IL1RAPL2: variants seen among roughly 807,000 people sequenced by gnomAD.
The protein encoded by IL1RAPL2 is interleukin 1 receptor accessory protein like 2, also known as X-linked interleukin-1 receptor accessory protein-like 2.
IL1RAPL2 carries 3 observed loss-of-function variants against 44.1 expected under a neutral mutation model. The ratio of observed to expected loss-of-function variants is 0.07; its 90% confidence interval spans 0.03 to 0.18. The LOEUF is 0.18. Ranked by LOEUF, IL1RAPL2 falls within the 10% of genes least tolerant of loss-of-function variation. The pLI, the probability that IL1RAPL2 is intolerant of heterozygous loss-of-function variation, is 1.00. For missense variants in IL1RAPL2, 391 were observed against 496.4 expected (o/e 0.79, Z 2.02); for synonymous variants, 181 against 178.8 (o/e 1.01, Z -0.10).
chrX:104,878,002 G>A (rs1176078695), intron 2 of IL1RAPL2, among the ~76,000 whole-genome samples: 1 of 112,036 alleles, frequency 8.9e-6, no homozygotes, highest in East Asian at 2.8e-4. Flanking sequence ...TATGGACTAA[G>A]ATTCTTCTGG....
chrX:105,008,754 G>T (rs1176452789), intron 2 of IL1RAPL2, among the ~76,000 whole-genome samples: 1 of 111,430 alleles, frequency 9.0e-6, no homozygotes, highest in Non-Finnish European at 1.9e-5. Flanking sequence ...AGACAAATGG[G>T]ATCTATTTAA....
intron 2 of IL1RAPL2, among the ~76,000 whole-genome samples, chrX:104,736,311 G>A (rs1932011791): frequency 8.9e-6 from 1 of 111,996 alleles, no homozygotes; most frequent in Non-Finnish European, 1.9e-5. Flanking sequence ...TATTGGCAAG[G>A]CAGTGCTCAT....
At chrX:104,714,259 T>C (rs375147048) in intron 2 of IL1RAPL2, among the ~76,000 whole-genome samples, 1 of 111,245 alleles carries the variant, frequency 9.0e-6, no homozygotes, top group East Asian at 2.9e-4. Flanking sequence ...GGATTTGTTA[T>C]ATACATGGCT....
intron 2 of IL1RAPL2, among the ~76,000 whole-genome samples, chrX:104,772,199 A>G (rs1418187552): frequency 5.4e-5 from 6 of 112,137 alleles, no homozygotes; most frequent in African/African-American, 1.9e-4. Flanking sequence ...TGGAGGCATT[A>G]TGAGCCAGAT....
intron 1 of IL1RAPL2, among the ~76,000 whole-genome samples, chrX:104,624,884 G>GTTCA (rs1929469065): frequency 9.0e-6 from 1 of 111,109 alleles, no homozygotes; most frequent in African/African-American, 3.3e-5. Context: ...ATAGAAAGAT[G>GTTCA]TTCACTAAAT....
intron 6 of IL1RAPL2, among the ~76,000 whole-genome samples, chrX:105,610,782 T>C (rs749608100): frequency 4.2e-4 from 47 of 112,362 alleles, no homozygotes; most frequent in African/African-American, 1.5e-3. Flanking sequence ...TATATACTAC[T>C]TGATAATGAT....
chrX:105,219,879 A>G (rs1226401610), intron 3 of IL1RAPL2: 1 of 1,051,383 alleles, frequency 9.5e-7, no homozygotes, highest in Non-Finnish European at 1.3e-6. Flanking sequence ...AGCAGGGTGG[A>G]GAGGGGTGGG....
intron 6 of IL1RAPL2, among the ~76,000 whole-genome samples, chrX:105,501,787 A>G (rs1305032782): frequency 1.8e-5 from 2 of 112,098 alleles, no homozygotes; most frequent in Admixed American, 1.9e-4. Context: ...ATGACTTCCT[A>G]TGCAGTTCAA....
At position 104,687,585 on chromosome X, in the gene IL1RAPL2, C is replaced by T. The variant is rs1480226506; in HGVS notation, c.82+28590C>T. ...CAAATATCCAAACTATATCATTCCC[C>T]AAGGGCCATCTGGAGAGATGGAACA... On this transcript the variant is annotated intron_variant, in intron 2 of 10. Coordinates refer to ENST00000372582, the MANE Select transcript of IL1RAPL2 (RefSeq NM_017416.2). 2.7e-5 allele frequency among the ~76,000 whole-genome samples: 3 copies of T among 111,301 alleles called. No individual in the cohort carries two copies. The Admixed American group carries it at 2.9e-4, about 11-fold the overall frequency.
chrX:104,745,932 G>A (rs1214520815), intron 2 of IL1RAPL2, among the ~76,000 whole-genome samples: 1 of 111,574 alleles, frequency 9.0e-6, no homozygotes, highest in African/African-American at 3.2e-5. Flanking sequence ...CTAGCATGGT[G>A]TCTAGCATGT....
intron 2 of IL1RAPL2, among the ~76,000 whole-genome samples, chrX:105,058,181 G>A (rs1182320406): frequency 9.1e-6 from 1 of 110,170 alleles, no homozygotes; most frequent in Non-Finnish European, 1.9e-5. Context: ...TCGATCTCCT[G>A]ACCTCGTGAT....
At chrX:105,395,299 C>G in intron 5 of IL1RAPL2, among the ~76,000 whole-genome samples, 1 of 109,419 alleles carries the variant, frequency 9.1e-6, no homozygotes, top group Middle Eastern at 4.7e-3. Flanking sequence ...AGTCTGCCCC[C>G]TCTGAGGCTG....
intron 5 of IL1RAPL2, among the ~76,000 whole-genome samples, chrX:105,452,415 T>A (rs2036025708): frequency 9.0e-6 from 1 of 111,656 alleles, no homozygotes; most frequent in African/African-American, 3.3e-5. Flanking sequence ...TGAATAAAAT[T>A]GCACAACTAA....
intron 2 of IL1RAPL2, among the ~76,000 whole-genome samples, chrX:105,080,104 A>G (rs1431695419): frequency 1.8e-5 from 2 of 112,161 alleles, no homozygotes; most frequent in Non-Finnish European, 3.8e-5. Context: ...AGCCCTTTGT[A>G]GATTCCGGAT....
intron 2 of IL1RAPL2, among the ~76,000 whole-genome samples, chrX:104,661,659 A>T (rs1930402793): frequency 9.1e-6 from 1 of 109,823 alleles, no homozygotes; most frequent in Admixed American, 9.9e-5. Flanking sequence ...TTTCATTATC[A>T]TAGTGCTATT....
intron 2 of IL1RAPL2, among the ~76,000 whole-genome samples, chrX:104,908,447 GT>G (rs1371435666): frequency 2.7e-5 from 3 of 111,494 alleles, no homozygotes; most frequent in African/African-American, 9.8e-5. Context: ...GGTACCGGTT[GT>G]TCCTTTCCAT....
intron 2 of IL1RAPL2, among the ~76,000 whole-genome samples, chrX:105,055,564 G>A (rs895490138): frequency 9.9e-5 from 11 of 111,664 alleles, no homozygotes; most frequent in Admixed American, 8.6e-4. Flanking sequence ...AGGAACACAA[G>A]AATACTTATC....
intron 7 of IL1RAPL2, among the ~76,000 whole-genome samples, chrX:105,736,132 C>T (rs1214028117): frequency 1.8e-5 from 2 of 111,183 alleles, no homozygotes; most frequent in African/African-American, 6.5e-5. Context: ...GAAAGGACTC[C>T]CTATTAAATA....
chrX:105,032,784 T>C (rs2031534647), intron 2 of IL1RAPL2, among the ~76,000 whole-genome samples: 2 of 111,295 alleles, frequency 1.8e-5, no homozygotes, highest in Admixed American at 1.9e-4. Flanking sequence ...GTATCCTTGT[T>C]AACTTTCTGT....
Sources: gnomAD v4.1 joint callset for allele counts (sites outside exome capture counted in the v4.1 genomes callset) on GRCh38, gnomAD v4.1.1 for gene constraint, MANE v1.5 for transcripts, NCBI Gene and HGNC (gene_info 2026-07-23, HGNC 2026-07-21) for gene names.